CELSR1: variants seen among roughly 807,000 people sequenced by gnomAD.
CELSR1 encodes the protein adhesion G protein-coupled receptor C1.
Under a neutral mutation model 249.1 loss-of-function variants are expected in CELSR1, and 110 were observed. The observed-to-expected ratio is 0.44, with a 90% CI of 0.38 to 0.52. CELSR1 has a LOEUF of 0.52. Among genes scored for constraint, CELSR1 ranks in the 20% least tolerant of loss-of-function variants. The probability of loss-of-function intolerance (pLI) is 0.00; values close to 1 mark genes in which losing one functional copy is unlikely to be tolerated. For missense variants in CELSR1, 4,109 were observed against 4,296.4 expected (o/e 0.96, Z 1.22); for synonymous variants, 2,113 against 1,900.0 (o/e 1.11, Z -2.92).
At chr22:46,479,314 C>T (rs2080242573) in intron 1 of CELSR1, among the ~76,000 whole-genome samples, 1 of 152,040 alleles carries the variant, frequency 6.6e-6, no homozygotes, top group South Asian at 2.1e-4. Context: ...CAGGGACCAA[C>T]CTGCGTCAAG....
Position 46,363,798 on chromosome 22 carries a change from G to GGGTC in CELSR1, c.9035+194_9035+197dup. ...GCCTGAGACGTGTCCCCAGGATAGG[G>GGGTC]GGTCTGCCCATCTCCGGGGTATCCT... is the stretch of plus-strand genomic sequence containing the variant. On this transcript the variant is annotated intron_variant, in intron 34 of 34. Transcript: ENST00000674500. This position sits in a 1 kb window ranked among gnomAD's most constrained non-coding sequence, Gnocchi z 4.3. 1 of 688,220 alleles carries GGGTC rather than the reference G, an allele frequency of 1.5e-6. No homozygotes were observed. Among genetic ancestry groups the GGGTC allele is most frequent in the Non-Finnish European group, 2.3e-6 (1 of 431,096 alleles). The allele number at this position is 688,220 out of a possible 1,614,324, so 42.6% of individuals were successfully genotyped here. A position where few individuals can be genotyped will look rare whatever the true frequency, so the allele number is the denominator to read the frequency against.
intron 1 of CELSR1, among the ~76,000 whole-genome samples, chr22:46,474,639 CAT>C (rs528789241): frequency 6.6e-6 from 1 of 152,118 alleles, no homozygotes; most frequent in South Asian, 2.1e-4. Flanking sequence ...TATTATTAAC[CAT>C]AGTCATCCTA....
chr22:46,452,346 C>T (rs537845981), intron 2 of CELSR1, among the ~76,000 whole-genome samples: 4 of 152,318 alleles, frequency 2.6e-5, no homozygotes, highest in Admixed American at 1.3e-4. Context: ...GGGAAGACAG[C>T]GGCATGAGGA....
chr22:46,503,459 G>A (rs750387512), intron 1 of CELSR1, among the ~76,000 whole-genome samples: 37 of 152,166 alleles, frequency 2.4e-4, no homozygotes, highest in Non-Finnish European at 4.3e-4. Flanking sequence ...CCCTACAGCC[G>A]TCCCCACTGT....
intron 1 of CELSR1, among the ~76,000 whole-genome samples, chr22:46,502,524 C>T (rs905004550): frequency 1.4e-4 from 21 of 147,974 alleles, no homozygotes; most frequent in African/African-American, 4.3e-4. Flanking sequence ...GAGGGAAAGA[C>T]GCAGAAAAGG....
At chr22:46,481,515 C>G in intron 1 of CELSR1, 3 of 1,466,960 alleles carry the variant, frequency 2.0e-6, no homozygotes, top group Non-Finnish European at 2.8e-6. Context: ...CCAGGTGGTC[C>G]TGGAACTTCT....
chr22:46,536,971 A>C lies in CELSR1; in HGVS notation c.200T>G (p.Val67Gly). ...TPRAPRELLD[V>G]GRDGRLAGRR... ...TCCTGCCAGCCGCCCATCGCGGCCC[A>C]CGTCCAGCAGCTCCCGCGGCGCCCG... is the stretch of plus-strand genomic sequence containing the variant. The change falls in exon 1 of 35, where the codon GTG (valine) becomes GGG (glycine). Residue 67 changes from valine to glycine, a missense_variant. Physicochemically the swap from Val to Gly is moderately radical, Grantham distance 109. Transcript: ENST00000674500. 8.8e-7 allele frequency: 1 copy of C among 1,142,666 alleles called. No individual in the cohort carries two copies. Among genetic ancestry groups the C allele is most frequent in the Non-Finnish European group, 1.1e-6 (1 of 933,172 alleles). 70.8% of individuals were successfully genotyped at this position (1,142,666 alleles called of 1,614,324 possible).
chr22:46,509,356 C>A (rs1247440638), intron 1 of CELSR1, among the ~76,000 whole-genome samples: 1 of 152,214 alleles, frequency 6.6e-6, no homozygotes, highest in Non-Finnish European at 1.5e-5. Flanking sequence ...GTACCCCAAA[C>A]CACTGAGCAG....
At chr22:46,443,556 GTGCACACACACACC>G (rs1328572995) in intron 2 of CELSR1, among the ~76,000 whole-genome samples, 1 of 152,220 alleles carries the variant, frequency 6.6e-6, no homozygotes, top group African/African-American at 2.4e-5. Flanking sequence ...GGCGGGCCAT[GTGCACACACACACC>G]TGCACACACA....
At chr22:46,474,109 C>T (rs985632158) in intron 1 of CELSR1, among the ~76,000 whole-genome samples, 2 of 152,158 alleles carry the variant, frequency 1.3e-5, no homozygotes, top group Non-Finnish European at 2.9e-5. Context: ...GAAAGGCCCA[C>T]GTGCTGCTCA....
chr22:46,528,641 G>A (rs2080761874), intron 1 of CELSR1, among the ~76,000 whole-genome samples: 1 of 152,196 alleles, frequency 6.6e-6, no homozygotes, highest in Admixed American at 6.5e-5. Flanking sequence ...CTATAAAAAA[G>A]AATGAGGCCA....
chr22:46,404,348 G>A (rs1435066418), intron 9 of CELSR1, among the ~76,000 whole-genome samples: 1 of 151,936 alleles, frequency 6.6e-6, no homozygotes, highest in Non-Finnish European at 1.5e-5. Context: ...GGAGGCAGAG[G>A]TTGCAGTGAG....
intron 1 of CELSR1, among the ~76,000 whole-genome samples, chr22:46,501,199 ATTTTTT>A (rs57293109): frequency 0.45 from 48,486 of 108,102 alleles, 10,593 homozygotes; most frequent in East Asian, 0.74. Context: ...TGCCCGGCTA[ATTTTTT>A]TTTTTTTTTT....
chr22:46,372,632 C>T (rs1482127951), intron 25 of CELSR1, among the ~76,000 whole-genome samples: 2 of 151,894 alleles, frequency 1.3e-5, no homozygotes, highest in African/African-American at 4.8e-5. Context: ...CTGTTAAGTG[C>T]TGCAGAAATA....
At position 46,434,584 on chromosome 22, in the gene CELSR1, C is replaced by T. The variant is rs2079636189; in HGVS notation, c.4523-1103G>A. On this transcript the variant is annotated intron_variant, in intron 4 of 34. Transcript: ENST00000674500. The surrounding 1 kb of genome is among the most constrained non-coding windows in gnomAD (Gnocchi z 4.9). Reference sequence around the variant, plus strand: ...TGAGTATAGAAAACAAAGCTCCATCCTCCACCATCACACACATGTCATTCA... The same window carrying T: ...TGAGTATAGAAAACAAAGCTCCATCTTCCACCATCACACACATGTCATTCA... Among the ~76,000 whole-genome samples the T allele has an allele frequency of 6.6e-6, 1 of 152,230 alleles. No homozygotes were observed. Among genetic ancestry groups the T allele is most frequent in the African/African-American group, 2.4e-5 (1 of 41,462 alleles).
At chr22:46,457,695 C>T (rs376719324) in intron 2 of CELSR1, among the ~76,000 whole-genome samples, 2 of 152,256 alleles carry the variant, frequency 1.3e-5, no homozygotes, top group Non-Finnish European at 2.9e-5. Flanking sequence ...GCCCACACTC[C>T]CGCTCACAGC....
rs1176553713 is a variant in CELSR1, at chr22:46,436,148, T to A, written c.4522+26A>T. On this transcript the variant is annotated intron_variant, in intron 4 of 34. Coordinates refer to ENST00000674500, the MANE Select transcript of CELSR1 (RefSeq NM_001378328.1). This position sits in a 1 kb window ranked among gnomAD's most constrained non-coding sequence, Gnocchi z 5.9. ...AAAGTATCTGTGAATTGCTCAGAGC[T>A]GCCCTTCCTGGGGAGAAGGCCCCAC... is the stretch of plus-strand genomic sequence containing the variant. 1.3e-6 allele frequency: 2 copies of A among 1,573,886 alleles called. No individual in the cohort carries two copies. The highest frequency in any genetic ancestry group is 1.7e-5 in the Admixed American group (1 of 59,812).
Position 46,519,255 on chromosome 22 carries a change from T to C in CELSR1, c.3544+14372A>G, listed in dbSNP as rs79442744. ...CTGTGATGTTCTAAACACCACAAAA[T>C]GGCTCACATTAAAATGGTTAACTTC... On this transcript the variant is annotated intron_variant, in intron 1 of 34. Coordinates refer to ENST00000674500, the MANE Select transcript of CELSR1 (RefSeq NM_001378328.1). 1.8e-4 allele frequency among the ~76,000 whole-genome samples: 28 copies of C among 152,312 alleles called. No individual in the cohort carries two copies. The East Asian group carries it at 2.1e-3, about 12-fold the overall frequency.
In CELSR1 at chr22:46,363,472, G is replaced by A. The variant is rs1010181102; in HGVS notation, c.9036-225C>T. On this transcript the variant is annotated intron_variant, in intron 34 of 34. Coordinates refer to ENST00000674500, the MANE Select transcript of CELSR1 (RefSeq NM_001378328.1). This position sits in a 1 kb window ranked among gnomAD's most constrained non-coding sequence, Gnocchi z 4.3. Reference sequence around the variant, plus strand: ...CCTCTGTGTTGCTGGTCTTTCAGAAGAGCGCAAGGAATCCACGTTAGAAAC... The same window carrying A: ...CCTCTGTGTTGCTGGTCTTTCAGAAAAGCGCAAGGAATCCACGTTAGAAAC... 2.0e-6 allele frequency: 1 copy of A among 504,018 alleles called. No individual in the cohort carries two copies. Among genetic ancestry groups the A allele is most frequent in the Non-Finnish European group, 3.6e-6 (1 of 278,686 alleles). The allele number at this position is 504,018 out of a possible 1,614,324, so 31.2% of individuals were successfully genotyped here.
Sources: allele counts gnomAD v4.1 joint callset (sites outside exome capture counted in the v4.1 genomes callset), GRCh38; gene constraint gnomAD v4.1.1; non-coding constraint Gnocchi (gnomAD v3.1); transcripts MANE v1.5; gene names NCBI Gene and HGNC (gene_info 2026-07-23, HGNC 2026-07-21).